The following GNAQ variants were observed in gnomAD, a reference collection of about 807,000 sequenced individuals.
GNAQ encodes guanine nucleotide-binding protein G(q) subunit alpha.
Under a neutral mutation model 43.9 loss-of-function variants are expected in GNAQ, and 8 were observed. The ratio of observed to expected loss-of-function variants is 0.18; its 90% CI spans 0.11 to 0.33. The LOEUF is 0.33. Ranked by LOEUF, GNAQ falls within the 10% of genes least tolerant of loss-of-function variation. The pLI is 1.00. For missense variants in GNAQ, 158 were observed against 450.8 expected (o/e 0.35, Z 5.88); for synonymous variants, 155 against 170.7 (o/e 0.91, Z 0.71).
intron 2 of GNAQ, among the ~76,000 whole-genome samples, chr9:77,873,575 A>C (rs1828076862): frequency 6.6e-6 from 1 of 152,202 alleles, no homozygotes; most frequent in Non-Finnish European, 1.5e-5. Flanking sequence ...GGTAGGAAGA[A>C]GTAAAAAGGG....
At chr9:77,825,270 C>T (rs1827174935) in intron 2 of GNAQ, among the ~76,000 whole-genome samples, 1 of 152,150 alleles carries the variant, frequency 6.6e-6, no homozygotes, top group African/African-American at 2.4e-5. Context: ...TCAAACAATA[C>T]AACAGATTTA....
rs1321463151 is a variant in GNAQ at position 77,747,358 on chromosome 9, C to G, written c.736-18691G>C. Reference sequence around the variant, plus strand: ...TAAATGTCACAGAGAAAACCAGAACCTTTTAACTCCTACTTTTGATCCTGA... The same window carrying G: ...TAAATGTCACAGAGAAAACCAGAACGTTTTAACTCCTACTTTTGATCCTGA... On this transcript the variant is annotated intron_variant, in intron 5 of 6. Coordinates refer to ENST00000286548, the MANE Select transcript of GNAQ (RefSeq NM_002072.5). Among the ~76,000 whole-genome samples the G allele has an allele frequency of 3.3e-5, 5 of 152,056 alleles. No individual in the cohort carries two copies. In the South Asian group the frequency reaches 1.0e-3, roughly 32 times the overall value.
chr9:77,872,189 T>C (rs1423616832), intron 2 of GNAQ, among the ~76,000 whole-genome samples: 1 of 152,242 alleles, frequency 6.6e-6, no homozygotes, highest in Non-Finnish European at 1.5e-5. Context: ...TAATTGCAAC[T>C]ATGCAATATG....
intron 2 of GNAQ, among the ~76,000 whole-genome samples, chr9:77,825,193 A>G (rs1425869591): frequency 6.6e-6 from 1 of 152,230 alleles, no homozygotes; most frequent in Non-Finnish European, 1.5e-5. Flanking sequence ...TTTGTTAAAC[A>G]TGCATTTTCA....
rs1223383818 is a variant in GNAQ, at chr9:77,835,054, A to AT, written c.322-19285dup. ...CAGACAGTACTGAATCCTAGTATACATTTTTTCCTATACATACGTAACTGT... is the reference window on the plus strand; with the variant it reads ...CAGACAGTACTGAATCCTAGTATACATTTTTTTCCTATACATACGTAACTGT... On this transcript the variant is annotated intron_variant, in intron 2 of 6. Coordinates refer to ENST00000286548, the MANE Select transcript of GNAQ (RefSeq NM_002072.5). Among the ~76,000 whole-genome samples the AT allele has an allele frequency of 4.6e-5, 7 of 152,008 alleles. No individual in the cohort carries two copies. The East Asian group carries it at 1.2e-3, about 25-fold the overall frequency.
intron 2 of GNAQ, among the ~76,000 whole-genome samples, chr9:77,884,757 T>G (rs1401768108): frequency 2.0e-5 from 3 of 152,168 alleles, no homozygotes; most frequent in Non-Finnish European, 4.4e-5. Context: ...TAGTCTAAGT[T>G]TCAATCAGCA....
rs188522257 is a variant in GNAQ, at chr9:77,803,573, T to C, written c.477-5925A>G. ...TGACCATAAGCAAAATGCAGAGTCA[T>C]CTGGAATTAAACAACATATTTTGGC... On this transcript the variant is annotated intron_variant, in intron 3 of 6. Coordinates refer to ENST00000286548, the MANE Select transcript of GNAQ (RefSeq NM_002072.5). 3.9e-5 allele frequency among the ~76,000 whole-genome samples: 6 copies of C among 152,318 alleles called. No individual in the cohort carries two copies. The East Asian group carries it at 9.7e-4, about 25-fold the overall frequency.
chr9:77,884,220 G>A (rs1047356960), intron 2 of GNAQ, among the ~76,000 whole-genome samples: 3 of 152,222 alleles, frequency 2.0e-5, no homozygotes, highest in African/African-American at 7.2e-5. Context: ...AGCTGTGTAG[G>A]TGACTCCTCC....
At chr9:77,759,931 T>G (rs1339908522) in intron 5 of GNAQ, among the ~76,000 whole-genome samples, 2 of 151,514 alleles carry the variant, frequency 1.3e-5, no homozygotes, top group Admixed American at 1.3e-4. Flanking sequence ...CTTTTTCTTT[T>G]TCTTTTTTTT....
intron 2 of GNAQ, among the ~76,000 whole-genome samples, chr9:77,820,618 A>G (rs538072058): frequency 6.6e-6 from 1 of 152,332 alleles, no homozygotes; most frequent in South Asian, 2.1e-4. Flanking sequence ...GGAGTCTTTA[A>G]GTGGTAAGGA....
chr9:77,856,557 T>C (rs1827758657), intron 2 of GNAQ, among the ~76,000 whole-genome samples: 1 of 152,182 alleles, frequency 6.6e-6, no homozygotes. Flanking sequence ...ATCTAAGTGA[T>C]TCTTTTCTGA....
At chr9:77,833,885 A>G (rs932570232) in intron 2 of GNAQ, among the ~76,000 whole-genome samples, 1 of 152,232 alleles carries the variant, frequency 6.6e-6, no homozygotes, top group African/African-American at 2.4e-5. Context: ...CTATTCTGGA[A>G]AAAATATTTT....
chr9:77,813,001 C>T (rs2118503408), intron 3 of GNAQ, among the ~76,000 whole-genome samples: 1 of 152,064 alleles, frequency 6.6e-6, no homozygotes, highest in African/African-American at 2.4e-5. Context: ...CAACCTCTGC[C>T]TCCCGGGTTC....
At chr9:77,847,336 A>G (rs1439537958) in intron 2 of GNAQ, among the ~76,000 whole-genome samples, 2 of 152,350 alleles carry the variant, frequency 1.3e-5, no homozygotes, top group Admixed American at 6.5e-5. Context: ...GTAATAACAT[A>G]AACAACAAAG....
chr9:77,846,769 T>C (rs1341837481), intron 2 of GNAQ, among the ~76,000 whole-genome samples: 1 of 152,180 alleles, frequency 6.6e-6, no homozygotes, highest in Non-Finnish European at 1.5e-5. Context: ...TAAATAACAT[T>C]TTTGTAATGT....
chr9:77,859,254 A>G (rs1201525678), intron 2 of GNAQ, among the ~76,000 whole-genome samples: 1 of 152,246 alleles, frequency 6.6e-6, no homozygotes, highest in Non-Finnish European at 1.5e-5. Context: ...GATGAATAAC[A>G]AAATGAAACC....
chr9:77,717,359 T>C lies in GNAQ; in HGVS notation c.*3964A>G, dbSNP rs1377321871. On this transcript the variant is annotated 3_prime_UTR_variant, in exon 7 of 7. Coordinates refer to ENST00000286548, the MANE Select transcript of GNAQ (RefSeq NM_002072.5). ...AATATTTGGGTACACTTTATTTTTA[T>C]ATGGGTTAACATTCTGCTATATTTC... The C allele has an allele frequency of 1.7e-5, 4 of 232,338 alleles. No individual in the cohort carries two copies. The highest frequency in any genetic ancestry group is 1.7e-4 in the Admixed American group (3 of 17,766). The allele number at this position is 232,338 out of a possible 1,614,324, so 14.4% of individuals were successfully genotyped here.
Position 77,925,547 on chromosome 9 carries a change from C to A in GNAQ, c.137-3202G>T, listed in dbSNP as rs560275721. Among the ~76,000 whole-genome samples, 2 of 152,226 alleles carry A rather than the reference C, an allele frequency of 1.3e-5. 1 individual carries two copies. The highest frequency in any genetic ancestry group is 4.1e-4 in the South Asian group (2 of 4,824). On this transcript the variant is annotated intron_variant, in intron 1 of 6. Transcript: ENST00000286548. ...TGAATGTTATTTCAATTAAAGGGAC[C>A]CATTTTGAATCTTGCTGCCATCTTC...
chr9:77,822,313 C>G (rs1251312934), intron 2 of GNAQ, among the ~76,000 whole-genome samples: 2 of 152,140 alleles, frequency 1.3e-5, no homozygotes, highest in Non-Finnish European at 2.9e-5. Context: ...AACAAAACAA[C>G]TCATTGACTG....
Sources: gnomAD v4.1 joint callset for allele counts (sites outside exome capture counted in the v4.1 genomes callset) on GRCh38, gnomAD v4.1.1 for gene constraint, MANE v1.5 for transcripts, NCBI Gene and HGNC (gene_info 2026-07-23, HGNC 2026-07-21) for gene names.